The following SPAG1 variants were observed in gnomAD, a reference collection of about 807,000 sequenced individuals.
The protein encoded by SPAG1 is sperm associated antigen 1.
Under a neutral mutation model 100.5 loss-of-function variants are expected in SPAG1, and 69 were observed. That is an observed-to-expected ratio of 0.69 (90% confidence interval 0.57 to 0.84). The LOEUF (loss-of-function observed/expected upper bound fraction) is 0.84. Ranked by LOEUF, SPAG1 falls within the 40% of genes least tolerant of loss-of-function variation. SPAG1 has a pLI of 0.00. For missense variants in SPAG1, 955 were observed against 1,133.1 expected, an observed-to-expected ratio of 0.84 and a Z score of 2.26; for synonymous variants, 336 against 411.6, an observed-to-expected ratio of 0.82 and a Z score of 2.22.
At chr8:100,169,051 T>C (rs1269353258) in intron 3 of SPAG1, among the ~76,000 whole-genome samples, 1 of 152,158 alleles carries the variant, frequency 6.6e-6, no homozygotes, top group Non-Finnish European at 1.5e-5. Context: ...ATGAAATCTT[T>C]TTTTTATTGT....
chr8:100,195,037 C>T (rs907327206), intron 10 of SPAG1, among the ~76,000 whole-genome samples: 3 of 151,870 alleles, frequency 2.0e-5, no homozygotes, highest in Admixed American at 2.0e-4. Flanking sequence ...TGATGGCATG[C>T]ACCTGTAACC....
At chr8:100,206,178 C>T (rs2439454) in intron 10 of SPAG1, among the ~76,000 whole-genome samples, 50,316 of 151,894 alleles carry the variant, frequency 0.33, 8,908 homozygotes, top group East Asian at 0.51. Flanking sequence ...CAAGTGGTGA[C>T]TCCAATTGCA....
intron 3 of SPAG1, among the ~76,000 whole-genome samples, chr8:100,166,257 AT>A (rs970790979): frequency 3.3e-5 from 5 of 151,364 alleles, no homozygotes; most frequent in Admixed American, 6.6e-5. Flanking sequence ...TTTATTTGTA[AT>A]TTTTTTTCTT....
intron 2 of SPAG1, among the ~76,000 whole-genome samples, chr8:100,163,651 C>T (rs1411411994): frequency 6.6e-6 from 1 of 152,204 alleles, no homozygotes; most frequent in African/African-American, 2.4e-5. Context: ...TATCCCTATT[C>T]CTTATCACTG....
rs143437543 is a variant in SPAG1, at chr8:100,184,961, T to C, written c.701+228T>C. 2.3e-3 allele frequency among the ~76,000 whole-genome samples: 344 copies of C among 152,316 alleles called. 3 individuals carry two copies. Among genetic ancestry groups the C allele is most frequent in the African/African-American group, 7.9e-3 (330 of 41,564 alleles). On this transcript the variant is annotated intron_variant, in intron 7 of 18. Coordinates refer to ENST00000388798, the MANE Select transcript of SPAG1 (RefSeq NM_003114.5). ...TTGACAGAAGACTTAACTTCCTATCTTGCAGAGAAAATAGAAGGCATCTGA... is the reference window on the plus strand; with the variant it reads ...TTGACAGAAGACTTAACTTCCTATCCTGCAGAGAAAATAGAAGGCATCTGA...
chr8:100,202,375 C>T (rs1817313850), intron 10 of SPAG1, among the ~76,000 whole-genome samples: 2 of 151,742 alleles, frequency 1.3e-5, no homozygotes, highest in Non-Finnish European at 2.9e-5. Flanking sequence ...ACAAAAAAAC[C>T]TGTTCTTTTC....
intron 16 of SPAG1, among the ~76,000 whole-genome samples, chr8:100,236,204 A>T (rs1004447636): frequency 3.3e-5 from 5 of 152,186 alleles, no homozygotes; most frequent in African/African-American, 1.2e-4. Context: ...AAATAATCCC[A>T]AATTTGAGTA....
chr8:100,193,472 C>T (rs1191029377), intron 9 of SPAG1, among the ~76,000 whole-genome samples: 2 of 152,098 alleles, frequency 1.3e-5, no homozygotes, highest in African/African-American at 2.4e-5. Context: ...GAAACAACAA[C>T]ACCAACAACA....
At chr8:100,210,477 A>T (rs1313548624) in intron 10 of SPAG1, among the ~76,000 whole-genome samples, 2 of 152,152 alleles carry the variant, frequency 1.3e-5, no homozygotes, top group Non-Finnish European at 2.9e-5. Context: ...ACTGTTGGCC[A>T]TTCATTCCTT....
intron 1 of SPAG1, among the ~76,000 whole-genome samples, chr8:100,161,647 G>A (rs1487165390): frequency 6.6e-6 from 1 of 152,102 alleles, no homozygotes; most frequent in Admixed American, 6.5e-5. Flanking sequence ...CCACAAACAA[G>A]TTTATGGAGG....
At chr8:100,191,518 TCA>T (rs779995100) in intron 9 of SPAG1, 22 bp downstream of exon 9, 1 of 1,472,906 alleles carries the variant, frequency 6.8e-7, no homozygotes, top group Non-Finnish European at 9.5e-7. Context: ...ATGTGATTTC[TCA>T]CCTAATTCTG....
Position 100,225,239 on chromosome 8 carries a change from T to C in SPAG1, c.1755T>C (p.Ala585=), listed in dbSNP as rs1818455085. ...NWREKLSPIP[A]VPASVPLQAW... Reference sequence around the variant, plus strand: ...GGGAGAAGCTGTCACCTATTCCTGCTGTGCCTGCTTCTGTGCCACTGCAAG... The same window carrying C: ...GGGAGAAGCTGTCACCTATTCCTGCCGTGCCTGCTTCTGTGCCACTGCAAG... Residue 585 remains alanine, a synonymous_variant, in exon 14 of 19, where the codon GCT becomes GCC. Coordinates refer to ENST00000388798, the MANE Select transcript of SPAG1 (RefSeq NM_003114.5). 6.2e-7 allele frequency: 1 copy of C among 1,613,900 alleles called. No individual in the cohort carries two copies. Among genetic ancestry groups the C allele is most frequent in the Non-Finnish European group, 8.5e-7 (1 of 1,179,824 alleles).
chr8:100,177,034 T>C (rs1201432038), intron 3 of SPAG1, among the ~76,000 whole-genome samples: 1 of 152,116 alleles, frequency 6.6e-6, no homozygotes, highest in Non-Finnish European at 1.5e-5. Context: ...TGGTAGCTTA[T>C]GCCAGATCTT....
chr8:100,167,552 C>T (rs759412181), intron 3 of SPAG1, among the ~76,000 whole-genome samples: 2 of 152,108 alleles, frequency 1.3e-5, no homozygotes, highest in Non-Finnish European at 2.9e-5. Flanking sequence ...GTAACTGAAA[C>T]CACAGAAAGC....
intron 1 of SPAG1, 38 bp from the exon 2 acceptor site, chr8:100,162,241 A>G: frequency 6.9e-7 from 1 of 1,448,660 alleles, no homozygotes; most frequent in Non-Finnish European, 9.4e-7. Flanking sequence ...AGTATTATTT[A>G]TACATTAGAT....
intron 14 of SPAG1, among the ~76,000 whole-genome samples, chr8:100,228,410 CAAAAAAAAAA>C (rs71274969): frequency 1.5e-5 from 2 of 129,582 alleles, no homozygotes; most frequent in African/African-American, 5.8e-5. Context: ...CCATCTCTAC[CAAAAAAAAAA>C]AAAAAAAATT....
At chr8:100,193,852 A>T (rs1330724523) in intron 9 of SPAG1, among the ~76,000 whole-genome samples, 7 of 152,234 alleles carry the variant, frequency 4.6e-5, no homozygotes, top group African/African-American at 1.4e-4. Context: ...AAAGATGATT[A>T]TCAAAATGTT....
intron 3 of SPAG1, among the ~76,000 whole-genome samples, chr8:100,174,312 A>G (rs1251980616): frequency 6.6e-6 from 1 of 152,086 alleles, no homozygotes; most frequent in Non-Finnish European, 1.5e-5. Flanking sequence ...TAAGGAAGAG[A>G]ATATATATTT....
At chr8:100,207,828 T>C (rs1817571529) in intron 10 of SPAG1, among the ~76,000 whole-genome samples, 1 of 152,242 alleles carries the variant, frequency 6.6e-6, no homozygotes, top group African/African-American at 2.4e-5. Flanking sequence ...TCTTACCATA[T>C]TCTCCATCAT....
Sources: allele counts gnomAD v4.1 joint callset (sites outside exome capture counted in the v4.1 genomes callset), GRCh38; gene constraint gnomAD v4.1.1; transcripts MANE v1.5; gene names NCBI Gene and HGNC (gene_info 2026-07-23, HGNC 2026-07-21).